The following LPIN2 variants were observed in gnomAD, a reference collection of about 807,000 sequenced individuals.
The protein encoded by LPIN2 is phosphatidate phosphatase LPIN2.
LPIN2 carries 55 observed loss-of-function variants against 111.4 expected under a neutral mutation model. The observed-to-expected ratio is 0.49, with a 90% CI of 0.40 to 0.62. LPIN2 has a LOEUF of 0.62. Among genes scored for constraint, LPIN2 ranks in the 20% least tolerant of loss-of-function variants. The pLI, the probability that LPIN2 is intolerant of heterozygous loss-of-function variation, is 0.00. For missense variants in LPIN2, 992 were observed against 1,112.1 expected (o/e 0.89, Z 1.54); for synonymous variants, 425 against 414.0 (o/e 1.03, Z -0.32).
At chr18:2,937,571 AG>A (rs2077303527) in intron 7 of LPIN2, 120 bp downstream of exon 7, 29 of 591,118 alleles carry the variant, frequency 4.9e-5, no homozygotes, top group African/African-American at 2.9e-4. Context: ...AAAAAAAAAA[AG>A]TGCGACGGGT....
At chr18:2,920,574 G>A (rs1455301116) in intron 19 of LPIN2, 137 bp from the exon 20 acceptor site, 3 of 952,380 alleles carry the variant, frequency 3.1e-6, no homozygotes, top group Admixed American at 3.9e-5. Context: ...CCATCACAGG[G>A]CTCAAACTCC....
intron 1 of LPIN2, among the ~76,000 whole-genome samples, chr18:3,001,871 G>T (rs1159789914): frequency 6.6e-6 from 1 of 152,104 alleles, no homozygotes; most frequent in Non-Finnish European, 1.5e-5. Context: ...CACATTTACA[G>T]AAATGAAAAC....
At chr18:2,947,399 A>G (rs2077470117) in intron 4 of LPIN2, among the ~76,000 whole-genome samples, 1 of 152,156 alleles carries the variant, frequency 6.6e-6, no homozygotes, top group Non-Finnish European at 1.5e-5. Context: ...AGGACAAACA[A>G]GGCTTCTATG....
chr18:2,923,361 A>C (rs1249611799), intron 16 of LPIN2, among the ~76,000 whole-genome samples: 1 of 132,160 alleles, frequency 7.6e-6, no homozygotes, highest in East Asian at 2.5e-4. Flanking sequence ...CGGAGACTGC[A>C]GTGAGCCAAG....
chr18:2,992,223 A>G (rs1047189331), intron 1 of LPIN2, among the ~76,000 whole-genome samples: 5 of 152,204 alleles, frequency 3.3e-5, no homozygotes, highest in African/African-American at 4.8e-5. Flanking sequence ...ATACAATGGA[A>G]TATCATTCAG....
chr18:2,973,647 C>T (rs889445510), intron 1 of LPIN2, among the ~76,000 whole-genome samples: 3 of 152,142 alleles, frequency 2.0e-5, no homozygotes, highest in Non-Finnish European at 4.4e-5. Context: ...GTTGAGTATC[C>T]CCCTTATCCA....
intron 1 of LPIN2, among the ~76,000 whole-genome samples, chr18:2,974,435 G>A (rs2077975666): frequency 1.3e-5 from 2 of 152,188 alleles, no homozygotes; most frequent in African/African-American, 4.8e-5. Flanking sequence ...CCTGTTATTA[G>A]AGAAATCCTT....
intron 1 of LPIN2, chr18:2,991,022 G>C (rs2078257269): frequency 1.8e-6 from 1 of 569,014 alleles, no homozygotes; most frequent in Non-Finnish European, 3.5e-6. Context: ...CCAATGATGA[G>C]ACCTCTTGCT....
At chr18:2,952,707 T>G (rs2077554913) in intron 3 of LPIN2, among the ~76,000 whole-genome samples, 1 of 152,238 alleles carries the variant, frequency 6.6e-6, no homozygotes, top group South Asian at 2.1e-4. Context: ...TTTAATTCAA[T>G]GATCTTTATT....
intron 1 of LPIN2, among the ~76,000 whole-genome samples, chr18:3,003,136 T>G (rs901774944): frequency 2.0e-5 from 3 of 152,250 alleles, no homozygotes; most frequent in Non-Finnish European, 4.4e-5. Context: ...ATCAAAAGTA[T>G]ATTCATGAAT....
chr18:2,970,143 G>A (rs118182409), intron 1 of LPIN2, among the ~76,000 whole-genome samples: 2,738 of 152,262 alleles, frequency 0.018, 44 homozygotes, highest in Non-Finnish European at 0.027. Context: ...TTTGGGATAC[G>A]TAAGAAGAGG....
chr18:2,945,993 AG>A, intron 4 of LPIN2: 1 of 1,388,430 alleles, frequency 7.2e-7, no homozygotes, highest in South Asian at 1.2e-5. Flanking sequence ...CATGGAAAAT[AG>A]GTACTCCAGA....
chr18:2,963,399 C>T (rs930709531), intron 1 of LPIN2, among the ~76,000 whole-genome samples: 3 of 152,072 alleles, frequency 2.0e-5, no homozygotes, highest in Admixed American at 2.0e-4. Flanking sequence ...CCAAGTCAGA[C>T]CTGTCCTGGT....
intron 4 of LPIN2, chr18:2,948,292 C>T (rs1474768039): frequency 6.6e-6 from 1 of 152,192 alleles, no homozygotes; most frequent in Non-Finnish European, 1.5e-5. Flanking sequence ...GCTTACCAAG[C>T]CAGCAAGCTG....
chr18:2,982,579 T>C, intron 1 of LPIN2: 1 of 462,122 alleles, frequency 2.2e-6, no homozygotes. Context: ...AGTCTTTTTC[T>C]TTTGGTGGAT....
At chr18:2,978,637 G>A (rs1418502179) in intron 1 of LPIN2, among the ~76,000 whole-genome samples, 1 of 152,242 alleles carries the variant, frequency 6.6e-6, no homozygotes, top group Non-Finnish European at 1.5e-5. Flanking sequence ...TTAGTAAGAA[G>A]AATCTGAATA....
chr18:3,012,718 T>C (rs1044161686), intron 1 of LPIN2, among the ~76,000 whole-genome samples: 1 of 151,684 alleles, frequency 6.6e-6, no homozygotes, highest in African/African-American at 2.4e-5. Flanking sequence ...AACCCAGGGG[T>C]AGGGGTGGTC....
chr18:2,984,793 A>G (rs1166085058), intron 1 of LPIN2, among the ~76,000 whole-genome samples: 1 of 152,174 alleles, frequency 6.6e-6, no homozygotes, highest in Non-Finnish European at 1.5e-5. Context: ...CAAAGGTGCC[A>G]GGGAGAAGAA....
chr18:2,964,107 G>A (rs1598575615), intron 1 of LPIN2, among the ~76,000 whole-genome samples: 2 of 151,148 alleles, frequency 1.3e-5, no homozygotes, highest in African/African-American at 4.9e-5. Context: ...CACGGTGAAG[G>A]CCCGTCTTTA....
Sources: allele counts gnomAD v4.1 joint callset (sites outside exome capture counted in the v4.1 genomes callset), GRCh38; gene constraint gnomAD v4.1.1; transcripts MANE v1.5; gene names NCBI Gene and HGNC (gene_info 2026-07-23, HGNC 2026-07-21).